The following CSN2 variants were observed in gnomAD, a reference collection of about 807,000 sequenced individuals.
The protein encoded by CSN2 is beta-casein.
Under a neutral mutation model 27.3 loss-of-function variants are expected in CSN2, and 27 were observed. The observed-to-expected ratio is 0.99, with a 90% CI of 0.73 to 1.36. CSN2 has a LOEUF of 1.36. Ranked by LOEUF, CSN2 falls within the 40% of genes most tolerant of loss-of-function variation. The pLI is 0.00. For missense variants in CSN2, 333 were observed against 264.5 expected, an observed-to-expected ratio of 1.26 and a Z score of -1.80; for synonymous variants, 131 against 94.8, an observed-to-expected ratio of 1.38 and a Z score of -2.22.
chr4:69,959,416 C>A (rs145515252), intron 3 of CSN2, among the ~76,000 whole-genome samples: 18 of 152,158 alleles, frequency 1.2e-4, no homozygotes, highest in African/African-American at 3.9e-4. Flanking sequence ...ACATTATGAT[C>A]ACTTCAAATG....
At chr4:69,962,011 G>T (rs1723609115) in intron 1 of CSN2, among the ~76,000 whole-genome samples, 1 of 152,056 alleles carries the variant, frequency 6.6e-6, no homozygotes, top group Non-Finnish European at 1.5e-5. Flanking sequence ...AAATCCCTAG[G>T]AATCCAACTT....
At position 69,957,737 on chromosome 4, in the gene CSN2, G is replaced by A; in HGVS notation, c.212C>T (p.Pro71Leu). The change falls in exon 6 of 8, where the codon CCT (proline) becomes CTT (leucine). Residue 71 changes from proline (P) to leucine (L), a missense_variant. Coordinates refer to ENST00000353151, the MANE Select transcript of CSN2 (RefSeq NM_001891.4). ...TTGTGGAAGAAAACCATAGGGGATA[G>A]GTTCAACGAATGGATAGATCAGAGG... ...PQPLIYPFVEPIPYGFLPQNI... is the reference protein window; with the variant it reads ...PQPLIYPFVELIPYGFLPQNI... 3 of 1,613,968 alleles carry A rather than the reference G, an allele frequency of 1.9e-6. No individual in the cohort carries two copies. The highest frequency in any genetic ancestry group is 2.5e-6 in the Non-Finnish European group (3 of 1,179,944).
Position 69,957,261 on chromosome 4 carries a change from A to C in CSN2, c.675+13T>G, listed in dbSNP as rs1265359479. The C allele has an allele frequency of 1.3e-6, 2 of 1,515,344 alleles. No homozygotes were observed. Among genetic ancestry groups the C allele is most frequent in the East Asian group, 4.6e-5 (2 of 43,852 alleles). The allele number at this position is 1,515,344 out of a possible 1,614,324, so 93.9% of individuals were successfully genotyped here. ...CTTGAATGAAACAGCAAAGCCAGTA[A>C]ATTTGGACTTACACTAATGGGGTTA... On this transcript the variant is annotated intron_variant, in intron 6 of 7. Coordinates refer to ENST00000353151, the MANE Select transcript of CSN2 (RefSeq NM_001891.4).
At chr4:69,961,439 A>T (rs1379305183) in intron 1 of CSN2, among the ~76,000 whole-genome samples, 1 of 152,228 alleles carries the variant, frequency 6.6e-6, no homozygotes, top group Non-Finnish European at 1.5e-5. Flanking sequence ...TACGAAAATC[A>T]ATAAATGTAA....
At chr4:69,959,981 G>T in intron 3 of CSN2, 72 bp downstream of exon 3, 2 of 1,344,910 alleles carry the variant, frequency 1.5e-6, no homozygotes, top group Non-Finnish European at 2.1e-6. Context: ...TAGCTTAACT[G>T]CCATGATGTA....
Position 69,956,356 on chromosome 4 carries a change from C to T in CSN2, c.676-1G>A. 1.4e-6 allele frequency: 2 copies of T among 1,417,238 alleles called. No homozygotes were observed. The highest frequency in any genetic ancestry group is 1.9e-6 in the Non-Finnish European group (2 of 1,068,752). The allele number at this position is 1,417,238 out of a possible 1,614,324, so 87.8% of individuals were successfully genotyped here. A position where few individuals can be genotyped will look rare whatever the true frequency, so the allele number is the denominator to read the frequency against. ...AATTAACTTTGAAATCTTCTTAGACCTTAAAAATAAACAGATACAAATAAA... is the reference window on the plus strand; with the variant it reads ...AATTAACTTTGAAATCTTCTTAGACTTTAAAAATAAACAGATACAAATAAA... On this transcript the variant is annotated splice_acceptor_variant, in intron 6 of 7. Transcript: ENST00000353151. LOFTEE classifies it high-confidence loss of function.
At position 69,956,331 on chromosome 4, in the gene CSN2, A is replaced by G; in HGVS notation, c.*19T>C. On this transcript the variant is annotated 3_prime_UTR_variant, in exon 7 of 8. Coordinates refer to ENST00000353151, the MANE Select transcript of CSN2 (RefSeq NM_001891.4). ...AAACTTACCAAAAATAAGGAGGGAA[A>G]ATTAACTTTGAAATCTTCTTAGACC... 3 of 1,410,104 alleles carry G rather than the reference A, an allele frequency of 2.1e-6. No homozygotes were observed. Among genetic ancestry groups the G allele is most frequent in the South Asian group, 3.3e-5 (2 of 61,260 alleles). The allele number at this position is 1,410,104 out of a possible 1,614,324, so 87.3% of individuals were successfully genotyped here.
chr4:69,964,175 T>C (rs947735412), intron 1 of CSN2, among the ~76,000 whole-genome samples: 2 of 152,134 alleles, frequency 1.3e-5, no homozygotes, highest in Admixed American at 1.3e-4. Context: ...TTAGATATTG[T>C]ACACTAGGCT....
intron 1 of CSN2, among the ~76,000 whole-genome samples, chr4:69,962,331 C>T (rs958520629): frequency 6.6e-6 from 1 of 152,146 alleles, no homozygotes; most frequent in Non-Finnish European, 1.5e-5. Context: ...TGACTTCAAA[C>T]TATACTACAA....
intron 1 of CSN2, among the ~76,000 whole-genome samples, chr4:69,962,425 A>C (rs934916147): frequency 6.6e-6 from 1 of 152,196 alleles, no homozygotes; most frequent in African/African-American, 2.4e-5. Flanking sequence ...CTCAGAAATA[A>C]TGCCGCATGT....
intron 6 of CSN2, among the ~76,000 whole-genome samples, chr4:69,956,950 C>G (rs947161360): frequency 3.9e-5 from 6 of 152,008 alleles, no homozygotes; most frequent in Non-Finnish European, 8.8e-5. Context: ...AATCACTTAT[C>G]TATGAGAACA....
rs756206077 is a variant in CSN2, at chr4:69,965,408, CTATATATATATATATA to C, written c.-13+257_-13+272del. Among the ~76,000 whole-genome samples the C allele has an allele frequency of 2.6e-3, 231 of 88,102 alleles. 3 individuals are homozygous for C. Among genetic ancestry groups the C allele is most frequent in the Non-Finnish European group, 3.2e-3 (150 of 46,886 alleles). The allele number at this position is 88,102 out of a possible 152,430, so 57.8% of individuals were successfully genotyped here. A position where few individuals can be genotyped will look rare whatever the true frequency, so the allele number is the denominator to read the frequency against. On this transcript the variant is annotated intron_variant, in intron 1 of 7. Coordinates refer to ENST00000353151, the MANE Select transcript of CSN2 (RefSeq NM_001891.4). ...ATATTAACTATGAACTAGCCTCATA[CTATATATATATATATA>C]TATATATATATATATATATATGCAT...
chr4:69,962,340 A>C (rs867118459), intron 1 of CSN2, among the ~76,000 whole-genome samples: 1 of 152,290 alleles, frequency 6.6e-6, no homozygotes, highest in African/African-American at 2.4e-5. Context: ...ACTATACTAC[A>C]AGGCTACAGT....
chr4:69,959,180 T>C, intron 3 of CSN2, 111 bp from the exon 4 acceptor site: 2 of 838,408 alleles, frequency 2.4e-6, no homozygotes, highest in East Asian at 2.8e-5. Flanking sequence ...AATAACTTTG[T>C]ATAATCATTA....
In CSN2 at chr4:69,960,093, A is replaced by C; in HGVS notation, c.52-14T>G. 6.2e-7 allele frequency: 1 copy of C among 1,610,540 alleles called. No homozygotes were observed. ...GCTTTCTATGGTCTGTGGGAAAAAA[A>C]AATTGACAACCAGCTAAATCTTCTA... On this transcript the variant is annotated splice_polypyrimidine_tract_variant and intron_variant, in intron 2 of 7. Coordinates refer to ENST00000353151, the MANE Select transcript of CSN2 (RefSeq NM_001891.4).
chr4:69,961,015 T>G lies in CSN2; in HGVS notation c.-12-8A>C, dbSNP rs1723561289. The G allele has an allele frequency of 6.2e-7, 1 of 1,608,742 alleles. No homozygotes were observed. Among genetic ancestry groups the G allele is most frequent in the East Asian group, 2.2e-5 (1 of 44,818 alleles). On this transcript the variant is annotated splice_region_variant and splice_polypyrimidine_tract_variant and intron_variant, in intron 1 of 7. Transcript: ENST00000353151. ...CTTCATGGCTACTAAGTCCTGTGAA[T>G]GTAGAAAAAATGGAATGGTGGAAGA... is the stretch of plus-strand genomic sequence containing the variant.
chr4:69,957,456 G>A lies in CSN2; in HGVS notation c.493C>T (p.Pro165Ser), dbSNP rs774606832. 1.4e-5 allele frequency: 22 copies of A among 1,613,752 alleles called. No homozygotes were observed. Among genetic ancestry groups the A allele is most frequent in the Non-Finnish European group, 1.8e-5 (21 of 1,179,914 alleles). The change falls in exon 6 of 8, where the codon CCT becomes TCT. Residue 165 changes from proline (P) to serine (S), a missense_variant. Coordinates refer to ENST00000353151, the MANE Select transcript of CSN2 (RefSeq NM_001891.4). Reference protein sequence around the residue: ...QPIPQTLALPPQPLWSVPQPK... With the variant: ...QPIPQTLALPSQPLWSVPQPK... ...TGAGGAACAGACCACAGGGGCTGAG[G>A]GGGAAGTGCAAGAGTCTGAGGAATA... is the stretch of plus-strand genomic sequence containing the variant.
Position 69,958,297 on chromosome 4 carries a change from A to G in CSN2, c.145-493T>C, listed in dbSNP as rs146770509. ...AATTTGTGGCTAATCTCAGGAAGTA[A>G]TTTAACACCGGCCAAATTCTTACAT... On this transcript the variant is annotated intron_variant, in intron 5 of 7. Coordinates refer to ENST00000353151, the MANE Select transcript of CSN2 (RefSeq NM_001891.4). Among the ~76,000 whole-genome samples, 14 of 152,288 alleles carry G rather than the reference A, an allele frequency of 9.2e-5. No homozygotes were observed. In the East Asian group the frequency reaches 1.4e-3, roughly 15 times the overall value.
At chr4:69,958,981 G>A (rs1468466013) in intron 4 of CSN2, 28 bp from the exon 5 acceptor site, 2 of 1,569,920 alleles carry the variant, frequency 1.3e-6, no homozygotes, top group African/African-American at 1.4e-5. Context: ...ATAAAGATAT[G>A]TTACCATCTG....
Sources: allele counts gnomAD v4.1 joint callset (sites outside exome capture counted in the v4.1 genomes callset), GRCh38; gene constraint gnomAD v4.1.1; transcripts MANE v1.5; gene names NCBI Gene and HGNC (gene_info 2026-07-23, HGNC 2026-07-21).